The following C6 variants were observed in gnomAD, a reference collection of about 807,000 sequenced individuals.
C6 encodes complement component C6.
C6 carries 101 observed loss-of-function variants against 112.9 expected under a neutral mutation model. That is an observed-to-expected ratio of 0.89 (90% CI 0.76 to 1.06). C6 has a LOEUF of 1.06. C6 is among the 50% of genes least tolerant of loss of function. C6 has a pLI of 0.00. For missense variants in C6, 1,202 were observed against 1,104.6 expected (o/e 1.09, Z -1.25); for synonymous variants, 431 against 384.1 (o/e 1.12, Z -1.43).
intron 1 of C6, among the ~76,000 whole-genome samples, chr5:41,221,543 G>A (rs1381713035): frequency 1.3e-5 from 2 of 152,106 alleles, no homozygotes; most frequent in Non-Finnish European, 2.9e-5. Flanking sequence ...CAAGTAGATG[G>A]CTTTCTTTCC....
At chr5:41,201,991 C>A (rs1009336866) in intron 2 of C6, among the ~76,000 whole-genome samples, 15 of 152,000 alleles carry the variant, frequency 9.9e-5, no homozygotes, top group Admixed American at 9.2e-4. Flanking sequence ...AGCATGAAGC[C>A]CTTCTAAGTG....
intron 9 of C6, among the ~76,000 whole-genome samples, chr5:41,171,968 T>G (rs1353869134): frequency 3.9e-5 from 6 of 152,156 alleles, no homozygotes; most frequent in African/African-American, 1.2e-4. Context: ...TAATATTGAG[T>G]TCTGTCCATG....
intron 1 of C6, among the ~76,000 whole-genome samples, chr5:41,258,952 G>A (rs1246135813): frequency 6.6e-6 from 1 of 152,122 alleles, no homozygotes; most frequent in Non-Finnish European, 1.5e-5. Context: ...TTGACATGTG[G>A]GGATTATGAG....
At chr5:41,187,531 G>A (rs1749869838) in intron 5 of C6, among the ~76,000 whole-genome samples, 1 of 152,102 alleles carries the variant, frequency 6.6e-6, no homozygotes, top group South Asian at 2.1e-4. Flanking sequence ...AATTACTCAG[G>A]CGCTTCTAAC....
At chr5:41,156,754 G>T (rs1746952243) in intron 13 of C6, among the ~76,000 whole-genome samples, 1 of 152,168 alleles carries the variant, frequency 6.6e-6, no homozygotes, top group Non-Finnish European at 1.5e-5. Flanking sequence ...AAGGGAAATG[G>T]ACTAATGATT....
intron 3 of C6, 115 bp downstream of exon 3, chr5:41,201,443 A>G: frequency 9.7e-7 from 1 of 1,032,862 alleles, no homozygotes; most frequent in Non-Finnish European, 1.5e-6. Context: ...GGAAGCTGAG[A>G]CAGTTGATTT....
intron 17 of C6, among the ~76,000 whole-genome samples, chr5:41,148,793 C>G (rs537045194): frequency 6.6e-6 from 1 of 152,288 alleles, no homozygotes; most frequent in Admixed American, 6.5e-5. Flanking sequence ...GACTAAGGCA[C>G]TGAAAGAAGA....
chr5:41,145,621 T>C (rs1745746802), intron 17 of C6, among the ~76,000 whole-genome samples: 1 of 152,214 alleles, frequency 6.6e-6, no homozygotes, highest in African/African-American at 2.4e-5. Context: ...AAGTAGGAGA[T>C]ACTCATATGC....
Position 41,239,888 on chromosome 5 carries a change from T to G in C6, c.-21+21306A>C, listed in dbSNP as rs545148910. Among the ~76,000 whole-genome samples the G allele has an allele frequency of 4.6e-5, 7 of 152,316 alleles. No individual in the cohort carries two copies. The South Asian group carries it at 1.4e-3, about 32-fold the overall frequency. The stretch of plus-strand genomic sequence containing the variant: ...GGTAACTTTGCTGGATATAGTGTCC[T>G]TGTCTGGCAATTTTCCTTTCATCAC... On this transcript the variant is annotated intron_variant, in intron 1 of 17. Transcript: ENST00000263413.
intron 15 of C6, among the ~76,000 whole-genome samples, chr5:41,152,194 C>G (rs542125711): frequency 1.3e-5 from 2 of 151,872 alleles, no homozygotes; most frequent in East Asian, 3.9e-4. Flanking sequence ...CATAAAGACT[C>G]CAACTGGGAA....
At chr5:41,192,515 T>C (rs1276427526) in intron 5 of C6, among the ~76,000 whole-genome samples, 3 of 152,186 alleles carry the variant, frequency 2.0e-5, no homozygotes, top group Non-Finnish European at 4.4e-5. Flanking sequence ...CCTGGGCTTT[T>C]CTTTTTTGGG....
intron 9 of C6, among the ~76,000 whole-genome samples, chr5:41,162,444 GA>G (rs1173850047): frequency 1.3e-5 from 2 of 152,174 alleles, no homozygotes; most frequent in African/African-American, 2.4e-5. Flanking sequence ...AACTAACACA[GA>G]AAAAAACCCC....
chr5:41,178,690 G>A, intron 7 of C6, among the ~76,000 whole-genome samples: 1 of 151,758 alleles, frequency 6.6e-6, no homozygotes, highest in Non-Finnish European at 1.5e-5. Flanking sequence ...TGGTCAGGCT[G>A]GCCTCAAACT....
At chr5:41,238,336 A>G (rs1361650513) in intron 1 of C6, among the ~76,000 whole-genome samples, 1 of 150,676 alleles carries the variant, frequency 6.6e-6, no homozygotes, top group East Asian at 2.0e-4. Flanking sequence ...CTATACTACA[A>G]GGCTACAGTA....
chr5:41,185,021 C>T (rs1749660471), intron 6 of C6, among the ~76,000 whole-genome samples: 1 of 152,084 alleles, frequency 6.6e-6, no homozygotes, highest in African/African-American at 2.4e-5. Flanking sequence ...TGTGAAATGA[C>T]CATATTTTGA....
Position 41,173,420 on chromosome 5 carries a change from A to ACTAT in C6, c.1169-1077_1169-1074dup, listed in dbSNP as rs755293351. On this transcript the variant is annotated intron_variant, in intron 8 of 17. Coordinates refer to ENST00000337836, the MANE Select transcript of C6 (RefSeq NM_000065.5). ...TAGTATTTTTGTAGGCTGAGTTAGT[A>ACTAT]CTATCTGGGGTAATTGAGGGAAATC... 5.3e-5 allele frequency among the ~76,000 whole-genome samples: 8 copies of ACTAT among 152,260 alleles called. No individual in the cohort carries two copies. In the East Asian group the frequency reaches 1.5e-3, roughly 29 times the overall value.
intron 13 of C6, among the ~76,000 whole-genome samples, chr5:41,156,183 C>T (rs1009360133): frequency 6.6e-6 from 1 of 152,134 alleles, no homozygotes; most frequent in African/African-American, 2.4e-5. Flanking sequence ...ATTCTTCGAA[C>T]ATAAACTTCT....
intron 4 of C6, among the ~76,000 whole-genome samples, chr5:41,196,973 A>G (rs13168926): frequency 0.53 from 80,702 of 151,892 alleles, 21,904 homozygotes; most frequent in Non-Finnish European, 0.6. Flanking sequence ...CATCTGTACC[A>G]GTATGTACAG....
intron 15 of C6, among the ~76,000 whole-genome samples, chr5:41,150,884 TAA>T (rs71606599): frequency 7.1e-4 from 92 of 130,014 alleles, no homozygotes; most frequent in Admixed American, 1.1e-3. Context: ...AGACTCTGTC[TAA>T]AAAAAAAAAA....
Sources: allele counts gnomAD v4.1 joint callset (sites outside exome capture counted in the v4.1 genomes callset), GRCh38; gene constraint gnomAD v4.1.1; transcripts MANE v1.5; gene names NCBI Gene and HGNC (gene_info 2026-07-23, HGNC 2026-07-21).